Variants in NCOA5 observed in about 807,000 individuals in gnomAD.
NCOA5 encodes the protein nuclear receptor coactivator 5.
NCOA5 carries 12 observed loss-of-function variants against 59.0 expected under a neutral mutation model. The ratio of observed to expected loss-of-function variants is 0.20; its 90% CI spans 0.13 to 0.33. NCOA5 has a LOEUF of 0.33. Among genes scored for constraint, NCOA5 ranks in the 10% least tolerant of loss-of-function variants. The probability of loss-of-function intolerance (pLI) is 1.00; values close to 1 mark genes in which losing one functional copy is unlikely to be tolerated. For missense variants in NCOA5, 655 were observed against 766.6 expected (o/e 0.85, Z 1.72); for synonymous variants, 270 against 275.5 (o/e 0.98, Z 0.20).
intron 1 of NCOA5, among the ~76,000 whole-genome samples, chr20:46,089,139 C>G (rs555976409): frequency 6.8e-4 from 104 of 152,332 alleles, no homozygotes; most frequent in Admixed American, 1.6e-3. Flanking sequence ...TGGCGGGGAG[C>G]GGACAGTGCC....
chr20:46,065,046 A>G lies in NCOA5; in HGVS notation c.812T>C (p.Met271Thr), dbSNP rs372127886. 1.5e-5 allele frequency: 25 copies of G among 1,614,110 alleles called. No individual in the cohort carries two copies. Among genetic ancestry groups the G allele is most frequent in the African/African-American group, 1.3e-5 (1 of 74,940 alleles). Residue 271 changes from methionine (M) to threonine (T), a missense_variant, in exon 6 of 8, where the codon ATG (methionine) becomes ACG (threonine). Met to Thr is a moderately conservative substitution (Grantham distance 81). Transcript: ENST00000290231. The stretch of plus-strand genomic sequence containing the variant: ...CTCTGTACCTTGCGGGGTTCCAAAC[A>G]TGATGTTGACTGTGCAGGAGCGGTG... ...QIHRSCTVNI[M>T]FGTPQEHRNM... is the part of the protein sequence containing the mutation.
chr20:46,077,642 T>G (rs16991062), intron 2 of NCOA5, among the ~76,000 whole-genome samples: 4,725 of 152,266 alleles, frequency 0.031, 163 homozygotes, highest in Admixed American at 0.11. Flanking sequence ...GTGTCTTTTA[T>G]AGTTACAAAT....
At position 46,088,003 on chromosome 20, in the gene NCOA5, A is replaced by T. The variant is rs539541499; in HGVS notation, c.-30+1814T>A. Among the ~76,000 whole-genome samples the T allele has an allele frequency of 9.7e-3, 1,204 of 123,592 alleles. 12 individuals carry two copies. The highest frequency in any genetic ancestry group is 0.031 in the African/African-American group (1,096 of 35,522). 81.1% of individuals were successfully genotyped at this position (123,592 alleles called of 152,430 possible). On this transcript the variant is annotated intron_variant, in intron 1 of 7. Coordinates refer to ENST00000290231, the MANE Select transcript of NCOA5 (RefSeq NM_020967.3). ...TATATATACATATACATATATATAT[A>T]TTTTTTTACACAGCCTTTGAGGGGA...
chr20:46,062,226 CAGCTCTATTTAGAACA>C lies in NCOA5; in HGVS notation c.*58_*73del, dbSNP rs1250908974. The C allele has an allele frequency of 8.5e-7, 1 of 1,180,944 alleles. No homozygotes were observed. Among genetic ancestry groups the C allele is most frequent in the East Asian group, 2.4e-5 (1 of 40,906 alleles). The allele number at this position is 1,180,944 out of a possible 1,614,324, so 73.2% of individuals were successfully genotyped here. ...GGGAGCGCAGAGAACATCCTCCAAACAGCTCTATTTAGAACAAGTAAGTGGGAGGAGGCCAGGGGAT... is the reference window on the plus strand; with the variant it reads ...GGGAGCGCAGAGAACATCCTCCAAACAGTAAGTGGGAGGAGGCCAGGGGAT... On this transcript the variant is annotated 3_prime_UTR_variant, in exon 8 of 8. Coordinates refer to ENST00000290231, the MANE Select transcript of NCOA5 (RefSeq NM_020967.3).
chr20:46,067,271 G>A, intron 4 of NCOA5, 90 bp from the exon 5 acceptor site: 1 of 1,429,842 alleles, frequency 7.0e-7, no homozygotes, highest in South Asian at 1.4e-5. Flanking sequence ...ATAATACTCT[G>A]AATCAATCCT....
At chr20:46,065,350 G>T in intron 5 of NCOA5, 122 bp from the exon 6 acceptor site, 2 of 893,496 alleles carry the variant, frequency 2.2e-6, no homozygotes, top group East Asian at 5.1e-5. Context: ...ACCGTATTCA[G>T]GATCCAAGTA....
chr20:46,089,664 G>A (rs2044281104), intron 1 of NCOA5, among the ~76,000 whole-genome samples, 153 bp downstream of exon 1: 1 of 152,072 alleles, frequency 6.6e-6, no homozygotes, highest in Admixed American at 6.5e-5. Context: ...CCGGGCATGC[G>A]CAGCACCGCG....
intron 1 of NCOA5, among the ~76,000 whole-genome samples, chr20:46,081,234 G>A (rs1289781399): frequency 6.6e-6 from 1 of 152,074 alleles, no homozygotes; most frequent in African/African-American, 2.4e-5. Context: ...TCTAAACACT[G>A]ACTAGACCTG....
chr20:46,070,154 C>T (rs2084866030), intron 3 of NCOA5, 56 bp downstream of exon 3: 1 of 1,397,690 alleles, frequency 7.2e-7, no homozygotes, highest in Non-Finnish European at 1.0e-6. Context: ...ATTAGTTTAG[C>T]AGAACATACA....
In NCOA5 at chr20:46,067,095, G is replaced by A; in HGVS notation, c.589C>T (p.Pro197Ser). 1 of 1,614,124 alleles carries A rather than the reference G, an allele frequency of 6.2e-7. No individual in the cohort carries two copies. Among genetic ancestry groups the A allele is most frequent in the Non-Finnish European group, 8.5e-7 (1 of 1,180,002 alleles). The part of the protein sequence containing the change: ...EIQRRFDAER[P>S]VDCSVIVVNK... ...ACCACAATCACAGAACAATCAACGGGCCTTTCGGCATCAAAGCGTCTCTGG... is the reference window on the plus strand; with the variant it reads ...ACCACAATCACAGAACAATCAACGGACCTTTCGGCATCAAAGCGTCTCTGG... The change falls in exon 5 of 8, where the codon CCC (proline) becomes TCC (serine). Residue 197 changes from proline to serine, a missense_variant. Pro to Ser is a moderately conservative substitution (Grantham distance 74). Around this residue, in one of 3 missense-constraint regions of NCOA5, gnomAD observed 80 missense variants for 153.3 expected, o/e 0.52. Coordinates refer to ENST00000290231, the MANE Select transcript of NCOA5 (RefSeq NM_020967.3).
In NCOA5 at chr20:46,065,078, G is replaced by C; in HGVS notation, c.780C>G (p.His260Gln). ...TGACTGTGCAGGAGCGGTGAATCTGGTGTTGCTGGGTGATGACAATAGCAA... is the reference window on the plus strand; with the variant it reads ...TGACTGTGCAGGAGCGGTGAATCTGCTGTTGCTGGGTGATGACAATAGCAA... ...SPFAIVITQQ[H>Q]QIHRSCTVNI... The change falls in exon 6 of 8, where the codon CAC becomes CAG. Residue 260 changes from histidine (H) to glutamine (Q), a missense_variant. Coordinates refer to ENST00000290231, the MANE Select transcript of NCOA5 (RefSeq NM_020967.3). 2 of 1,614,198 alleles carry C rather than the reference G, an allele frequency of 1.2e-6. No individual in the cohort carries two copies. Among genetic ancestry groups the C allele is most frequent in the Non-Finnish European group, 1.7e-6 (2 of 1,180,028 alleles).
chr20:46,086,246 C>G (rs1476585700), intron 1 of NCOA5, among the ~76,000 whole-genome samples: 1 of 152,218 alleles, frequency 6.6e-6, no homozygotes, highest in Non-Finnish European at 1.5e-5. Context: ...TTAAGCTGCC[C>G]TGATCCTTGC....
chr20:46,072,358 A>T (rs2084891516), intron 2 of NCOA5, among the ~76,000 whole-genome samples: 1 of 152,048 alleles, frequency 6.6e-6, no homozygotes, highest in Admixed American at 6.6e-5. Context: ...GATCTCACCT[A>T]TGCTGCCCAG....
intron 2 of NCOA5, 92 bp from the exon 3 acceptor site, chr20:46,070,628 C>T: frequency 1.6e-6 from 2 of 1,231,846 alleles, no homozygotes; most frequent in African/African-American, 1.5e-5. Context: ...ACCCTCCAAG[C>T]ATTCTTCTCT....
chr20:46,067,006 T>C (rs747728985), intron 5 of NCOA5, 49 bp downstream of exon 5: 1 of 1,597,874 alleles, frequency 6.3e-7, no homozygotes, highest in South Asian at 1.1e-5. Flanking sequence ...GGAGCCTGAA[T>C]TTCTCTGACT....
intron 1 of NCOA5, among the ~76,000 whole-genome samples, chr20:46,089,157 G>A (rs949623386): frequency 8.5e-5 from 13 of 152,224 alleles, no homozygotes; most frequent in Admixed American, 5.2e-4. Context: ...GCCCCGCGCC[G>A]GGAGCTTGGA....
chr20:46,083,468 T>C (rs564064540), intron 1 of NCOA5, among the ~76,000 whole-genome samples: 207 of 152,348 alleles, frequency 1.4e-3, no homozygotes, highest in Middle Eastern at 6.8e-3. Flanking sequence ...TTCTATTTTA[T>C]AGAATGAGGT....
At chr20:46,075,114 G>T (rs2084923489) in intron 2 of NCOA5, among the ~76,000 whole-genome samples, 1 of 152,190 alleles carries the variant, frequency 6.6e-6, no homozygotes, top group Non-Finnish European at 1.5e-5. Context: ...TGTTAGAAAT[G>T]GAGACAACAG....
intron 1 of NCOA5, among the ~76,000 whole-genome samples, chr20:46,088,735 C>T (rs1197970907): frequency 6.6e-6 from 1 of 152,080 alleles, no homozygotes; most frequent in Non-Finnish European, 1.5e-5. Flanking sequence ...CCTGAAGAGC[C>T]CAGGGCATTC....
Sources: allele counts gnomAD v4.1 joint callset (sites outside exome capture counted in the v4.1 genomes callset), GRCh38; gene constraint gnomAD v4.1.1; regional missense constraint gnomAD v4.1.1; transcripts MANE v1.5; gene names NCBI Gene and HGNC (gene_info 2026-07-23, HGNC 2026-07-21).